Variants in ACSF2 observed in about 807,000 individuals in gnomAD.
ACSF2 encodes medium-chain acyl-CoA ligase ACSF2, mitochondrial.
Under a neutral mutation model 79.3 loss-of-function variants are expected in ACSF2, and 52 were observed. That is an observed-to-expected ratio of 0.66 (90% confidence interval 0.53 to 0.83). The LOEUF (loss-of-function observed/expected upper bound fraction) is 0.83, where lower values mean the gene tolerates loss of function less well. Ranked by LOEUF, ACSF2 falls within the 40% of genes least tolerant of loss-of-function variation. The pLI is 0.00. For missense variants in ACSF2, 661 were observed against 803.3 expected (o/e 0.82, Z 2.14); for synonymous variants, 283 against 312.6 (o/e 0.91, Z 1.00).
intron 10 of ACSF2, among the ~76,000 whole-genome samples, chr17:50,470,483 C>T (rs2033062576): frequency 6.6e-6 from 1 of 151,906 alleles, no homozygotes. Flanking sequence ...GGAAACTCTC[C>T]AGAGCTTGGG....
At chr17:50,444,371 G>A (rs2031151960) in intron 1 of ACSF2, among the ~76,000 whole-genome samples, 1 of 152,046 alleles carries the variant, frequency 6.6e-6, no homozygotes, top group Non-Finnish European at 1.5e-5. Flanking sequence ...TGGCCAACAT[G>A]GCAAAACCCT....
At chr17:50,427,517 T>TG (rs1915106278) in intron 1 of ACSF2, among the ~76,000 whole-genome samples, 1 of 152,080 alleles carries the variant, frequency 6.6e-6, no homozygotes, top group Non-Finnish European at 1.5e-5. Context: ...AGTCACTCAC[T>TG]ACTTCCCAGG....
chr17:50,437,798 T>A (rs967271602), intron 1 of ACSF2, among the ~76,000 whole-genome samples: 17 of 152,150 alleles, frequency 1.1e-4, no homozygotes, highest in Non-Finnish European at 2.2e-4. Flanking sequence ...GTATTTTCCC[T>A]CTTAAAACTT....
chr17:50,437,956 T>C (rs963875006), intron 1 of ACSF2, among the ~76,000 whole-genome samples: 3 of 152,246 alleles, frequency 2.0e-5, no homozygotes, highest in Non-Finnish European at 2.9e-5. Context: ...GTCCCTTTTC[T>C]GTCCCTCCTG....
chr17:50,460,356 C>T, intron 1 of ACSF2: 2 of 475,366 alleles, frequency 4.2e-6, no homozygotes, highest in East Asian at 1.1e-4. Flanking sequence ...AAGGCATGGT[C>T]CTGCTTTGTA....
chr17:50,437,101 C>A (rs1000552224), intron 1 of ACSF2, among the ~76,000 whole-genome samples: 9 of 152,146 alleles, frequency 5.9e-5, no homozygotes, highest in South Asian at 2.1e-4. Flanking sequence ...AAGGAGCCCC[C>A]CAAGAGGATG....
chr17:50,472,257 A>T, intron 11 of ACSF2, 171 bp from the exon 12 acceptor site: 1 of 722,028 alleles, frequency 1.4e-6, no homozygotes, highest in Non-Finnish European at 2.1e-6. Flanking sequence ...CTTTGGGTCG[A>T]CTCTAGCCTT....
intron 1 of ACSF2, among the ~76,000 whole-genome samples, chr17:50,430,744 T>A (rs1359415160): frequency 6.6e-6 from 1 of 152,236 alleles, no homozygotes; most frequent in African/African-American, 2.4e-5. Context: ...TATAAGCTAT[T>A]GATTCATTAT....
chr17:50,448,609 T>C (rs1229740004), intron 1 of ACSF2, among the ~76,000 whole-genome samples: 2 of 152,210 alleles, frequency 1.3e-5, no homozygotes, highest in Admixed American at 6.5e-5. Context: ...ACTATGGGCA[T>C]ATTCACAGAG....
Position 50,473,679 on chromosome 17 carries a change from T to C in ACSF2, c.1490T>C (p.Met497Thr). Residue 497 changes from methionine (M) to threonine (T), a missense_variant, in exon 13 of 16, where the codon ATG becomes ACG. Met to Thr is a moderately conservative substitution (Grantham distance 81). Coordinates refer to ENST00000300441, the MANE Select transcript of ACSF2 (RefSeq NM_025149.6). The part of the protein sequence containing the change: ...KWYWTGDVAT[M>T]NEQGFCKIVG... ...TTTCCTTACAGAGATGTCGCCACAATGAATGAGCAGGGCTTCTGCAAGATC... is the reference window on the plus strand; with the variant it reads ...TTTCCTTACAGAGATGTCGCCACAACGAATGAGCAGGGCTTCTGCAAGATC... The C allele has an allele frequency of 6.2e-7, 1 of 1,614,182 alleles. No individual in the cohort carries two copies. Among genetic ancestry groups the C allele is most frequent in the Non-Finnish European group, 8.5e-7 (1 of 1,180,032 alleles).
At position 50,474,559 on chromosome 17, in the gene ACSF2, C is replaced by G; in HGVS notation, c.*7C>G. Reference sequence around the variant, plus strand: ...ACGACATCTAAATCTGTGAATAAAGCAGCAGGCCTGTCCTGGCCGGTTGGC... The same window carrying G: ...ACGACATCTAAATCTGTGAATAAAGGAGCAGGCCTGTCCTGGCCGGTTGGC... On this transcript the variant is annotated 3_prime_UTR_variant, in exon 16 of 16. Coordinates refer to ENST00000300441, the MANE Select transcript of ACSF2 (RefSeq NM_025149.6). This position sits in a 1 kb window ranked among gnomAD's most constrained non-coding sequence, Gnocchi z 4.2. The G allele has an allele frequency of 6.2e-7, 1 of 1,614,078 alleles. No individual in the cohort carries two copies. The highest frequency in any genetic ancestry group is 8.5e-7 in the Non-Finnish European group (1 of 1,179,962).
In ACSF2 at chr17:50,468,257, A is replaced by G. The variant is rs1371773145; in HGVS notation, c.1216-2771A>G. ...CACGTCGTCCAGGGCCCCGGGCTGCAGGGAGCTCAACGCGTTTTCCGACAG... is the reference window on the plus strand; with the variant it reads ...CACGTCGTCCAGGGCCCCGGGCTGCGGGGAGCTCAACGCGTTTTCCGACAG... On this transcript the variant is annotated intron_variant, in intron 10 of 15. Transcript: ENST00000300441. 1.9e-6 allele frequency: 3 copies of G among 1,611,334 alleles called. No individual in the cohort carries two copies. In the African/African-American group the frequency reaches 4.0e-5, roughly 22 times the overall value.
In ACSF2 at chr17:50,473,885, C is replaced by A. The variant is rs760219602; in HGVS notation, c.1618-9C>A. 1 of 1,601,476 alleles carries A rather than the reference C, an allele frequency of 6.2e-7. No individual in the cohort carries two copies. The highest frequency in any genetic ancestry group is 2.2e-5 in the East Asian group (1 of 44,624). ...GGTGATGTCTGATATTTTTCTTTGG[C>A]CCTGGAAGGTGGTGGGAGTGAAGGA... is the stretch of plus-strand genomic sequence containing the variant. On this transcript the variant is annotated splice_polypyrimidine_tract_variant and intron_variant, in intron 13 of 15. Coordinates refer to ENST00000300441, the MANE Select transcript of ACSF2 (RefSeq NM_025149.6).
At chr17:50,442,647 G>A (rs1356218066) in intron 1 of ACSF2, among the ~76,000 whole-genome samples, 1 of 151,970 alleles carries the variant, frequency 6.6e-6, no homozygotes, top group African/African-American at 2.4e-5. Context: ...TAATTTTTTT[G>A]TAGAGACGGG....
At chr17:50,440,476 T>C (rs2030812990) in intron 1 of ACSF2, among the ~76,000 whole-genome samples, 1 of 152,210 alleles carries the variant, frequency 6.6e-6, no homozygotes, top group South Asian at 2.1e-4. Context: ...AAACAGCTTC[T>C]CCTCTTATGT....
intron 1 of ACSF2, among the ~76,000 whole-genome samples, chr17:50,445,542 C>T (rs1176969127): frequency 6.6e-6 from 1 of 152,128 alleles, no homozygotes; most frequent in Non-Finnish European, 1.5e-5. Flanking sequence ...CGTCTGTAAT[C>T]CCAACACTTT....
chr17:50,466,004 GCAGTATGACCAAGTGATCT>G (rs1283194024), intron 10 of ACSF2: 1 of 869,472 alleles, frequency 1.2e-6, no homozygotes, highest in East Asian at 2.5e-5. Context: ...AGTTTTCAAA[GCAGTATGACCAAGTGATCT>G]CAGATAATCC....
chr17:50,462,534 C>T lies in ACSF2; in HGVS notation c.741C>T (p.Tyr247=). 1.2e-6 allele frequency: 2 copies of T among 1,614,002 alleles called. No homozygotes were observed. Among genetic ancestry groups the T allele is most frequent in the Non-Finnish European group, 1.7e-6 (2 of 1,180,014 alleles). ...STRQHLDQLQ[Y]NQQFLSCHDP... is the part of the protein sequence containing the mutation. ...GGCAGCATCTGGACCAGCTCCAATACAACCAGCAGTTCCTGTCCTGCCATG... is the reference window on the plus strand; with the variant it reads ...GGCAGCATCTGGACCAGCTCCAATATAACCAGCAGTTCCTGTCCTGCCATG... Residue 247 remains tyrosine (Y), a synonymous_variant, in exon 6 of 16, where the codon TAC becomes TAT. Coordinates refer to ENST00000300441, the MANE Select transcript of ACSF2 (RefSeq NM_025149.6).
chr17:50,474,259 T>A lies in ACSF2; in HGVS notation c.1789T>A (p.Ser597Thr), dbSNP rs750624597. The A allele has an allele frequency of 1.6e-5, 26 of 1,614,078 alleles. No homozygotes were observed. The highest frequency in any genetic ancestry group is 2.1e-5 in the Non-Finnish European group (25 of 1,180,034). Residue 597 changes from serine (S) to threonine (T), a missense_variant, in exon 15 of 16, where the codon TCA becomes ACA. By Grantham distance (58) the Ser-to-Thr change is moderately conservative. Coordinates refer to ENST00000300441, the MANE Select transcript of ACSF2 (RefSeq NM_025149.6). This position sits in a 1 kb window ranked among gnomAD's most constrained non-coding sequence, Gnocchi z 4.2. The part of the protein sequence containing the change: ...VFVTNYPLTI[S>T]GKIQKFKLRE... ...TGTCACAAACTACCCCCTCACCATT[T>A]CAGGAAAGGTGTGTAAGGTGGAGGA...
Sources: allele counts gnomAD v4.1 joint callset (sites outside exome capture counted in the v4.1 genomes callset), GRCh38; gene constraint gnomAD v4.1.1; non-coding constraint Gnocchi (gnomAD v3.1); transcripts MANE v1.5; gene names NCBI Gene and HGNC (gene_info 2026-07-23, HGNC 2026-07-21).